The following NLRP4 variants were observed in gnomAD, a reference collection of about 807,000 sequenced individuals.
The protein encoded by NLRP4 is NLR family pyrin domain containing 4, also known as NACHT, LRR and PYD domains-containing protein 4.
Under a neutral mutation model 84.7 loss-of-function variants are expected in NLRP4, and 44 were observed. That is an observed-to-expected ratio of 0.52 (90% CI 0.41 to 0.67). The LOEUF (loss-of-function observed/expected upper bound fraction) is 0.67. Ranked by LOEUF, NLRP4 falls within the 30% of genes least tolerant of loss-of-function variation. The pLI, the probability that NLRP4 is intolerant of heterozygous loss-of-function variation, is 0.00. For missense variants in NLRP4, 1,260 were observed against 1,219.4 expected, an observed-to-expected ratio of 1.03 and a Z score of -0.50; for synonymous variants, 544 against 476.4, an observed-to-expected ratio of 1.14 and a Z score of -1.85.
chr19:55,877,236 G>C, intron 8 of NLRP4, 70 bp downstream of exon 8: 1 of 1,441,380 alleles, frequency 6.9e-7, no homozygotes, highest in Non-Finnish European at 9.7e-7. Flanking sequence ...GGAAGAAAGA[G>C]AAAGATGAAA....
At chr19:55,874,234 T>C (rs928577137) in intron 7 of NLRP4, among the ~76,000 whole-genome samples, 4 of 152,328 alleles carry the variant, frequency 2.6e-5, no homozygotes, top group Admixed American at 2.0e-4. Context: ...TTTAATAATA[T>C]AGTTTATTTA....
chr19:55,859,869 G>C (rs1225359710), intron 3 of NLRP4, among the ~76,000 whole-genome samples: 1 of 129,514 alleles, frequency 7.7e-6, no homozygotes, highest in Non-Finnish European at 1.6e-5. Context: ...AGAGGTTGCA[G>C]TGAGCTGAGA....
intron 1 of NLRP4, among the ~76,000 whole-genome samples, chr19:55,847,996 T>A (rs1223757530): frequency 6.6e-6 from 1 of 152,192 alleles, no homozygotes; most frequent in Non-Finnish European, 1.5e-5. Flanking sequence ...ATGACAGGCG[T>A]GAGCCACTGC....
intron 6 of NLRP4, among the ~76,000 whole-genome samples, chr19:55,868,795 A>G (rs1299735776): frequency 6.6e-6 from 1 of 152,192 alleles, no homozygotes; most frequent in Non-Finnish European, 1.5e-5. Context: ...CCTGTGAGAA[A>G]TAGAACTGAG....
At chr19:55,856,738 T>A (rs558858534) in intron 2 of NLRP4, among the ~76,000 whole-genome samples, 19 of 152,114 alleles carry the variant, frequency 1.2e-4, no homozygotes, top group Admixed American at 2.6e-4. Flanking sequence ...ATGGTCTTGA[T>A]CTCTTGACTT....
intron 6 of NLRP4, among the ~76,000 whole-genome samples, chr19:55,869,897 T>C (rs1985108224): frequency 6.6e-6 from 1 of 152,202 alleles, no homozygotes; most frequent in South Asian, 2.1e-4. Flanking sequence ...AAGACCAGCC[T>C]GGGCACCATG....
chr19:55,878,892 C>G lies in NLRP4; in HGVS notation c.2795C>G (p.Thr932Ser). Reference protein sequence around the residue: ...TLQQLNLTLNTLDHTGVVVLC... With the variant: ...TLQQLNLTLNSLDHTGVVVLC... ...CAGCAGCTCAACCTGACCTTGAACACCTTGGACCACACAGGGGTGGTTGTA... is the reference window on the plus strand; with the variant it reads ...CAGCAGCTCAACCTGACCTTGAACAGCTTGGACCACACAGGGGTGGTTGTA... The change falls in exon 9 of 10, where the codon ACC (threonine) becomes AGC (serine). Residue 932 changes from threonine (T) to serine (S), a missense_variant. This residue lies in a region of NLRP4 where 544 missense variants were observed against 531.7 expected (regional missense o/e 1.02). Transcript: ENST00000301295. The G allele has an allele frequency of 6.2e-7, 1 of 1,613,992 alleles. No homozygotes were observed. Among genetic ancestry groups the G allele is most frequent in the Non-Finnish European group, 8.5e-7 (1 of 1,179,876 alleles).
At position 55,852,104 on chromosome 19, in the gene NLRP4, T is replaced by G. The variant is rs770275628; in HGVS notation, c.24T>G (p.Asp8Glu). 6.3e-6 allele frequency: 10 copies of G among 1,595,568 alleles called. No individual in the cohort carries two copies. In the East Asian group the frequency reaches 2.0e-4, roughly 32 times the overall value. ...AGATGGCAGCCTCTTTCTTCTCTGA[T>G]TTTGGTCTTATGTGGTATCTGGAGG... is the stretch of plus-strand genomic sequence containing the variant. MAASFFS[D>E]FGLMWYLEEL... is the part of the protein sequence containing the mutation. Residue 8 changes from aspartate to glutamate, a missense_variant, in exon 2 of 10, where the codon GAT (aspartate) becomes GAG (glutamate). Transcript: ENST00000301295.
At position 55,858,197 on chromosome 19, in the gene NLRP4, G is replaced by C; in HGVS notation, c.804G>C (p.Lys268Asn). Reference sequence around the variant, plus strand: ...TTCTGAGCAGTTTGCTGAGGAAGAAGATGCTCCCGGAGGCCTCCCTGCTCA... The same window carrying C: ...TTCTGAGCAGTTTGCTGAGGAAGAACATGCTCCCGGAGGCCTCCCTGCTCA... ...QVLLSSLLRK[K>N]MLPEASLLIA... Residue 268 changes from lysine to asparagine, a missense_variant, in exon 3 of 10, where the codon AAG (lysine) becomes AAC (asparagine). Physicochemically the swap from Lys to Asn is moderately conservative, Grantham distance 94. Transcript: ENST00000301295. The surrounding 1 kb of genome is among the most constrained non-coding windows in gnomAD (Gnocchi z 4.2). 1 of 1,614,192 alleles carries C rather than the reference G, an allele frequency of 6.2e-7. No homozygotes were observed. The highest frequency in any genetic ancestry group is 1.1e-5 in the South Asian group (1 of 91,076).
intron 1 of NLRP4, among the ~76,000 whole-genome samples, chr19:55,846,339 C>T (rs886570849): frequency 3.3e-5 from 5 of 152,052 alleles, no homozygotes; most frequent in African/African-American, 7.2e-5. Context: ...TGTAGATATG[C>T]GGCATTATTT....
At chr19:55,849,935 CCGCGGTGT>C (rs1983971759) in intron 1 of NLRP4, among the ~76,000 whole-genome samples, 1 of 146,846 alleles carries the variant, frequency 6.8e-6, no homozygotes, top group Non-Finnish European at 1.5e-5. Flanking sequence ...ATTTCCGTAG[CCGCGGTGT>C]AATTTCCGAG....
intron 7 of NLRP4, among the ~76,000 whole-genome samples, chr19:55,876,577 G>A (rs1042653196): frequency 2.0e-5 from 3 of 152,002 alleles, no homozygotes; most frequent in African/African-American, 7.2e-5. Context: ...TGGCCAGGCT[G>A]GTCTGGAACT....
intron 1 of NLRP4, among the ~76,000 whole-genome samples, chr19:55,845,115 T>C (rs945434199): frequency 3.3e-5 from 5 of 151,488 alleles, no homozygotes; most frequent in Admixed American, 1.3e-4. Flanking sequence ...CATGTTGGTG[T>C]GCTGCACCCA....
At chr19:55,873,186 G>T (rs1985254096) in intron 7 of NLRP4, among the ~76,000 whole-genome samples, 1 of 152,172 alleles carries the variant, frequency 6.6e-6, no homozygotes, top group South Asian at 2.1e-4. Flanking sequence ...CCAGATGGAA[G>T]AGAGATAGAG....
chr19:55,847,321 G>A (rs1175887177), intron 1 of NLRP4, among the ~76,000 whole-genome samples: 1 of 151,980 alleles, frequency 6.6e-6, no homozygotes, highest in Non-Finnish European at 1.5e-5. Context: ...TTTTGTTTTT[G>A]AATTATGATT....
At chr19:55,850,113 A>AATTTCCGTG (rs1984008028) in intron 1 of NLRP4, among the ~76,000 whole-genome samples, 2 of 52,332 alleles carry the variant, frequency 3.8e-5, no homozygotes, top group African/African-American at 1.1e-4. Flanking sequence ...TAATTACCGT[A>AATTTCCGTG]GCTGCGGTGT....
At chr19:55,845,799 G>GT (rs1366436778) in intron 1 of NLRP4, among the ~76,000 whole-genome samples, 3 of 148,072 alleles carry the variant, frequency 2.0e-5, no homozygotes, top group African/African-American at 7.8e-5. Context: ...ATTTTTTCAT[G>GT]TGTTTTTTGG....
chr19:55,857,055 A>G (rs529675720), intron 2 of NLRP4, among the ~76,000 whole-genome samples: 7 of 152,328 alleles, frequency 4.6e-5, no homozygotes, highest in Admixed American at 3.9e-4. Flanking sequence ...TACATGCTAT[A>G]GACACCGTCC....
chr19:55,840,575 T>G (rs2122990930), intron 1 of NLRP4, among the ~76,000 whole-genome samples: 1 of 152,200 alleles, frequency 6.6e-6, no homozygotes, highest in African/African-American at 2.4e-5. Context: ...TTTTTTGGTA[T>G]TTTTAGTAGA....
Sources: allele counts gnomAD v4.1 joint callset (sites outside exome capture counted in the v4.1 genomes callset), GRCh38; gene constraint gnomAD v4.1.1; regional missense constraint gnomAD v4.1.1; non-coding constraint Gnocchi (gnomAD v3.1); transcripts MANE v1.5; gene names NCBI Gene and HGNC (gene_info 2026-07-23, HGNC 2026-07-21).